OR6C74: variants seen among roughly 807,000 people sequenced by gnomAD.
OR6C74 encodes olfactory receptor family 6 subfamily C member 74, also known as olfactory receptor 6C74.
For missense variants in OR6C74, 361 were observed against 362.9 expected (o/e 0.99, Z 0.04); for synonymous variants, 142 against 134.2 (o/e 1.06, Z -0.40).
rs1954306822 is a variant in OR6C74 at position 55,250,732 on chromosome 12, C to T, written c.*2506C>T. ...CTGGAAGTGAAAAGGAAAAAAATAA[C>T]CAACTGTTTTTCACCAGTATTAGGT... On this transcript the variant is annotated 3_prime_UTR_variant, in exon 2 of 2. Coordinates refer to ENST00000343399, the MANE Select transcript of OR6C74 (RefSeq NM_001005490.2). Among the ~76,000 whole-genome samples, 1 of 151,962 alleles carries T rather than the reference C, an allele frequency of 6.6e-6. No individual in the cohort carries two copies. Among genetic ancestry groups the T allele is most frequent in the Admixed American group, 6.6e-5 (1 of 15,252 alleles).
rs367927403 is a variant in OR6C74 at position 55,247,606 on chromosome 12, G to A, written c.319G>A (p.Ala107Thr). Residue 107 changes from alanine to threonine, a missense_variant, in exon 2 of 2, where the codon GCA (alanine) becomes ACA (threonine). Ala to Thr is a moderately conservative substitution (Grantham distance 58, BLOSUM62 0). Coordinates refer to ENST00000343399, the MANE Select transcript of OR6C74 (RefSeq NM_001005490.2). ...GCTGTTTTTCACTATTCTCTTGGGG[G>A]CAACTGAATTTTTTCTTCTGGCTGC... is the stretch of plus-strand genomic sequence containing the variant. Reference protein sequence around the residue: ...AQLFFTILLGATEFFLLAAMS... With the variant: ...AQLFFTILLGTTEFFLLAAMS... 7.3e-5 allele frequency: 118 copies of A among 1,613,654 alleles called. No individual in the cohort carries two copies. The highest frequency in any genetic ancestry group is 9.2e-5 in the Non-Finnish European group (108 of 1,179,936).
rs899931401 is a variant in OR6C74, at chr12:55,256,256, A to G, written c.*8030A>G. Reference sequence around the variant, plus strand: ...TGGGACCCTTGTGTAGAGCCTATAAATGGACGCATTGGGGGGGCACCTGTT... The same window carrying G: ...TGGGACCCTTGTGTAGAGCCTATAAGTGGACGCATTGGGGGGGCACCTGTT... On this transcript the variant is annotated 3_prime_UTR_variant, in exon 2 of 2. Coordinates refer to ENST00000343399, the MANE Select transcript of OR6C74 (RefSeq NM_001005490.2). 1.3e-4 allele frequency among the ~76,000 whole-genome samples: 19 copies of G among 151,946 alleles called. No individual in the cohort carries two copies. The South Asian group carries it at 3.8e-3, about 30-fold the overall frequency.
In OR6C74 at chr12:55,248,444, C is replaced by A. The variant is rs1436426636; in HGVS notation, c.*218C>A. On this transcript the variant is annotated 3_prime_UTR_variant, in exon 2 of 2. Transcript: ENST00000343399. ...GATATTTCTTGGTTTTGGTCAAAAT[C>A]ATTTGCCTGTTATTTATTGCCTCTT... is the stretch of plus-strand genomic sequence containing the variant. 4.3e-6 allele frequency: 2 copies of A among 460,596 alleles called. No homozygotes were observed. Among genetic ancestry groups the A allele is most frequent in the East Asian group, 6.9e-5 (2 of 28,894 alleles). The allele number at this position is 460,596 out of a possible 1,614,324, so 28.5% of individuals were successfully genotyped here.
chr12:55,244,928 A>G (rs1440629886), intron 1 of OR6C74, among the ~76,000 whole-genome samples, 111 bp downstream of exon 1: 1 of 152,100 alleles, frequency 6.6e-6, no homozygotes, highest in Non-Finnish European at 1.5e-5. Flanking sequence ...AAAATATAAG[A>G]AGATGCAATA....
chr12:55,245,687 AT>A (rs1467188118), intron 1 of OR6C74, among the ~76,000 whole-genome samples: 1 of 152,054 alleles, frequency 6.6e-6, no homozygotes, highest in Non-Finnish European at 1.5e-5. Context: ...TGTTATTTTT[AT>A]ATTTTATAAT....
At position 55,248,073 on chromosome 12, in the gene OR6C74, AAAAG is replaced by A. The variant is rs781732772; in HGVS notation, c.792_795del (p.Arg265CysfsTer3). ...TCTTCATGTATGTGAAACCCTCAGC[AAAAG>A]AAAGAGTGTCATTAAATAAAGGGAT... On this transcript the variant is annotated frameshift_variant, in exon 2 of 2. Coordinates refer to ENST00000343399, the MANE Select transcript of OR6C74 (RefSeq NM_001005490.2). LOFTEE classifies it low-confidence loss of function (END_TRUNC). 1.9e-6 allele frequency: 3 copies of A among 1,613,998 alleles called. No individual in the cohort carries two copies. In the African/African-American group the frequency reaches 4.0e-5, roughly 22 times the overall value.
rs757665329 is a variant in OR6C74, at chr12:55,247,853, A to G, written c.566A>G (p.Asp189Gly). The G allele has an allele frequency of 1.9e-6, 3 of 1,613,986 alleles. No homozygotes were observed. Among genetic ancestry groups the G allele is most frequent in the Non-Finnish European group, 2.5e-6 (3 of 1,179,904 alleles). ...CCTATACTGCAGCTCTCTTGCACAG[A>G]CACTGACATAATAGAATTAATGATG... ...VSPILQLSCT[D>G]TDIIELMMLL... The change falls in exon 2 of 2, where the codon GAC becomes GGC. Residue 189 changes from aspartate (D) to glycine (G), a missense_variant. Physicochemically the swap from Asp to Gly is moderately conservative, Grantham distance 94. Coordinates refer to ENST00000343399, the MANE Select transcript of OR6C74 (RefSeq NM_001005490.2).
rs1212872563 is a variant in OR6C74, at chr12:55,251,089, C to G, written c.*2863C>G. 6.6e-6 allele frequency among the ~76,000 whole-genome samples: 1 copy of G among 152,072 alleles called. No individual in the cohort carries two copies. Among genetic ancestry groups the G allele is most frequent in the Non-Finnish European group, 1.5e-5 (1 of 67,992 alleles). Reference sequence around the variant, plus strand: ...AAAATTCCCCAAATATTTGCATAACCTGGCCTGTCCAGTTTGGTTTCTTAT... The same window carrying G: ...AAAATTCCCCAAATATTTGCATAACGTGGCCTGTCCAGTTTGGTTTCTTAT... On this transcript the variant is annotated 3_prime_UTR_variant, in exon 2 of 2. Transcript: ENST00000343399.
chr12:55,255,328 C>G lies in OR6C74; in HGVS notation c.*7102C>G, dbSNP rs1954336678. On this transcript the variant is annotated 3_prime_UTR_variant, in exon 2 of 2. Coordinates refer to ENST00000343399, the MANE Select transcript of OR6C74 (RefSeq NM_001005490.2). Reference sequence around the variant, plus strand: ...GTGAGGATGTGGAGAAGTAGGAACACTTTTACACTGTTGGTGGGAGTATAA... The same window carrying G: ...GTGAGGATGTGGAGAAGTAGGAACAGTTTTACACTGTTGGTGGGAGTATAA... 6.6e-6 allele frequency among the ~76,000 whole-genome samples: 1 copy of G among 152,110 alleles called. No homozygotes were observed. The highest frequency in any genetic ancestry group is 6.5e-5 in the Admixed American group (1 of 15,268).
Position 55,256,014 on chromosome 12 carries a change from T to A in OR6C74, c.*7788T>A, listed in dbSNP as rs544555903. On this transcript the variant is annotated 3_prime_UTR_variant, in exon 2 of 2. Transcript: ENST00000343399. ...GGGAGACCCCCTGAAACTATTGCTATGGAATAAAAGGTGAAATGCTCCTGA... is the reference window on the plus strand; with the variant it reads ...GGGAGACCCCCTGAAACTATTGCTAAGGAATAAAAGGTGAAATGCTCCTGA... 2.6e-5 allele frequency among the ~76,000 whole-genome samples: 4 copies of A among 151,842 alleles called. No homozygotes were observed. The highest frequency in any genetic ancestry group is 9.7e-5 in the African/African-American group (4 of 41,296).
chr12:55,256,281 T>C lies in OR6C74; in HGVS notation c.*8055T>C, dbSNP rs148495695. ...ATGGACGCATTGGGGGGGCACCTGTTCATATGGATAAGATAGGGCTATAAA... is the reference window on the plus strand; with the variant it reads ...ATGGACGCATTGGGGGGGCACCTGTCCATATGGATAAGATAGGGCTATAAA... On this transcript the variant is annotated 3_prime_UTR_variant, in exon 2 of 2. Coordinates refer to ENST00000343399, the MANE Select transcript of OR6C74 (RefSeq NM_001005490.2). Among the ~76,000 whole-genome samples the C allele has an allele frequency of 5.6e-3, 853 of 152,192 alleles. 10 individuals are homozygous for C. Among genetic ancestry groups the C allele is most frequent in the African/African-American group, 0.019 (795 of 41,554 alleles).
chr12:55,245,668 T>A (rs1954265875), intron 1 of OR6C74, among the ~76,000 whole-genome samples: 1 of 152,160 alleles, frequency 6.6e-6, no homozygotes, highest in South Asian at 2.1e-4. Flanking sequence ...TTTTCATTGC[T>A]GTTTTGCTTG....
Position 55,247,991 on chromosome 12 carries a change from C to A in OR6C74, c.704C>A (p.Ala235Glu). 1 of 1,613,540 alleles carries A rather than the reference C, an allele frequency of 6.2e-7. No homozygotes were observed. The highest frequency in any genetic ancestry group is 1.1e-5 in the South Asian group (1 of 91,062). ...KIPSSQQRKK[A>E]FSTCSSHMVV... ...CCTTCTTCTCAACAGAGAAAAAAAG[C>A]ATTTTCTACATGTTCTTCCCACATG... The change falls in exon 2 of 2, where the codon GCA (alanine) becomes GAA (glutamate). Residue 235 changes from alanine to glutamate, a missense_variant. Physicochemically the swap from Ala to Glu is moderately radical, Grantham distance 107. Coordinates refer to ENST00000343399, the MANE Select transcript of OR6C74 (RefSeq NM_001005490.2).
rs560607282 is a variant in OR6C74, at chr12:55,251,396, G to C, written c.*3170G>C. Among the ~76,000 whole-genome samples, 1 of 151,924 alleles carries C rather than the reference G, an allele frequency of 6.6e-6. No individual in the cohort carries two copies. The highest frequency in any genetic ancestry group is 1.9e-4 in the East Asian group (1 of 5,176). On this transcript the variant is annotated 3_prime_UTR_variant, in exon 2 of 2. Coordinates refer to ENST00000343399, the MANE Select transcript of OR6C74 (RefSeq NM_001005490.2). ...ATTAACTATATTTATTTCTTGCAACGAACTCTAAATCTCATAGTTTTCTAC... is the reference window on the plus strand; with the variant it reads ...ATTAACTATATTTATTTCTTGCAACCAACTCTAAATCTCATAGTTTTCTAC...
chr12:55,247,321 C>T lies in OR6C74; in HGVS notation c.34C>T (p.Leu12Phe), dbSNP rs915095127. 1.6e-5 allele frequency: 26 copies of T among 1,609,130 alleles called. No homozygotes were observed. Among genetic ancestry groups the T allele is most frequent in the Non-Finnish European group, 2.2e-5 (26 of 1,176,592 alleles). The stretch of plus-strand genomic sequence containing the variant: ...CCATACAACAGTAGCAAACTTTATT[C>T]TTCTTGGACTGACAGATGATCCACA... ...RNHTTVANFI[L>F]LGLTDDPQLQ... is the part of the protein sequence containing the mutation. The change falls in exon 2 of 2, where the codon CTT becomes TTT. Residue 12 changes from leucine to phenylalanine, a missense_variant. Leu to Phe is a conservative substitution (Grantham distance 22). Transcript: ENST00000343399.
chr12:55,251,947 T>C lies in OR6C74; in HGVS notation c.*3721T>C, dbSNP rs1954313554. On this transcript the variant is annotated 3_prime_UTR_variant, in exon 2 of 2. Coordinates refer to ENST00000343399, the MANE Select transcript of OR6C74 (RefSeq NM_001005490.2). ...TACTGTGTTCTCAAAAATTATGGAC[T>C]TGCTTTTCTTTTTATAAGTGTAAGT... 6.6e-6 allele frequency among the ~76,000 whole-genome samples: 1 copy of C among 151,694 alleles called. No individual in the cohort carries two copies. Among genetic ancestry groups the C allele is most frequent in the Non-Finnish European group, 1.5e-5 (1 of 67,784 alleles).
chr12:55,253,246 G>T lies in OR6C74; in HGVS notation c.*5020G>T, dbSNP rs1954322571. Reference sequence around the variant, plus strand: ...CTAGTAAATGGGCCATAACTGAAAAGACAGTTGCAATTGAATTTACTACCT... The same window carrying T: ...CTAGTAAATGGGCCATAACTGAAAATACAGTTGCAATTGAATTTACTACCT... On this transcript the variant is annotated 3_prime_UTR_variant, in exon 2 of 2. Transcript: ENST00000343399. Among the ~76,000 whole-genome samples the T allele has an allele frequency of 6.6e-6, 1 of 152,016 alleles. No homozygotes were observed.
Position 55,253,286 on chromosome 12 carries a change from G to A in OR6C74, c.*5060G>A, listed in dbSNP as rs74563001. Among the ~76,000 whole-genome samples the A allele has an allele frequency of 0.044, 6,625 of 152,040 alleles. 184 individuals are homozygous for A. The highest frequency in any genetic ancestry group is 0.1 in the Middle Eastern group (30 of 294). On this transcript the variant is annotated 3_prime_UTR_variant, in exon 2 of 2. Transcript: ENST00000343399. ...ATTTACTACCTAATTTAACTTATGG[G>A]TTCATTATCATCTGCTAAAATTTAT...
chr12:55,251,037 G>T lies in OR6C74; in HGVS notation c.*2811G>T, dbSNP rs1434831567. Among the ~76,000 whole-genome samples, 1 of 152,000 alleles carries T rather than the reference G, an allele frequency of 6.6e-6. No individual in the cohort carries two copies. The highest frequency in any genetic ancestry group is 2.4e-5 in the African/African-American group (1 of 41,392). Reference sequence around the variant, plus strand: ...CCACTCTACTAATACATTATTGATGGTTCTCCGTTGCCTGCAAAATAATGA... The same window carrying T: ...CCACTCTACTAATACATTATTGATGTTTCTCCGTTGCCTGCAAAATAATGA... On this transcript the variant is annotated 3_prime_UTR_variant, in exon 2 of 2. Transcript: ENST00000343399.
Sources: gnomAD v4.1 joint callset for allele counts (sites outside exome capture counted in the v4.1 genomes callset) on GRCh38, gnomAD v4.1.1 for gene constraint, MANE v1.5 for transcripts, NCBI Gene and HGNC (gene_info 2026-07-23, HGNC 2026-07-21) for gene names.